The following STT3B variants were observed in gnomAD, a reference collection of about 807,000 sequenced individuals.
The protein encoded by STT3B is dolichyl-diphosphooligosaccharide--protein glycosyltransferase subunit STT3B.
In STT3B, 29 loss-of-function variants were observed where a neutral mutation model predicts 96.8. The ratio of observed to expected loss-of-function variants is 0.30; its 90% CI spans 0.22 to 0.41. The LOEUF is 0.41. STT3B is among the 10% of genes least tolerant of loss of function. The pLI is 1.00. For synonymous variants in STT3B, 367 were observed against 360.0 expected, an observed-to-expected ratio of 1.02 and a Z score of -0.22; for missense variants, 640 against 1,022.3, an observed-to-expected ratio of 0.63 and a Z score of 5.10.
chr3:31,606,708 A>G (rs893968759), intron 5 of STT3B, among the ~76,000 whole-genome samples: 2 of 152,218 alleles, frequency 1.3e-5, no homozygotes, highest in Non-Finnish European at 2.9e-5. Context: ...TGGAAGGGAA[A>G]TGTGGGCTTG....
chr3:31,586,707 T>G lies in STT3B; in HGVS notation c.711+6611T>G, dbSNP rs557296165. ...AATTGAATATATACATATGGGTCTG[T>G]TTTGGGACTCTTCTGTTTATCTGTG... On this transcript the variant is annotated intron_variant, in intron 3 of 15. Coordinates refer to ENST00000295770, the MANE Select transcript of STT3B (RefSeq NM_178862.3). Among the ~76,000 whole-genome samples the G allele has an allele frequency of 2.6e-5, 4 of 152,214 alleles. No individual in the cohort carries two copies. The East Asian group carries it at 7.7e-4, about 29-fold the overall frequency.
intron 12 of STT3B, 120 bp from the exon 13 acceptor site, chr3:31,625,833 CA>C: frequency 4.4e-6 from 4 of 908,774 alleles, no homozygotes; most frequent in African/African-American, 1.7e-5. Context: ...ATCATTTCTG[CA>C]AAAAAATTCC....
chr3:31,626,197 T>C, intron 13 of STT3B, 70 bp downstream of exon 13: 1 of 1,360,240 alleles, frequency 7.4e-7, no homozygotes, highest in Non-Finnish European at 1.0e-6. Context: ...CTCATCTTGC[T>C]AATTGCATTG....
chr3:31,587,675 AT>A (rs1318417786), intron 3 of STT3B, among the ~76,000 whole-genome samples: 2 of 152,122 alleles, frequency 1.3e-5, no homozygotes, highest in Admixed American at 1.3e-4. Flanking sequence ...TTGATTAAAC[AT>A]TTGGGTTCTA....
intron 4 of STT3B, among the ~76,000 whole-genome samples, chr3:31,597,348 C>T (rs1318589127): frequency 6.6e-5 from 10 of 150,406 alleles, no homozygotes; most frequent in African/African-American, 2.2e-4. Context: ...TTAGTAGAGA[C>T]GGGGTTTCAC....
At chr3:31,573,376 A>G (rs1201275646) in intron 1 of STT3B, among the ~76,000 whole-genome samples, 1 of 152,178 alleles carries the variant, frequency 6.6e-6, no homozygotes, top group African/African-American at 2.4e-5. Flanking sequence ...GGCAGAATGG[A>G]TGTAAAGAGA....
At chr3:31,615,326 C>G in intron 6 of STT3B, 123 bp downstream of exon 6, 1 of 667,318 alleles carries the variant, frequency 1.5e-6, no homozygotes, top group South Asian at 2.0e-5. Context: ...TAATCTGACT[C>G]ACAATTATGG....
intron 1 of STT3B, among the ~76,000 whole-genome samples, chr3:31,548,714 G>A (rs112963464): frequency 6.6e-5 from 10 of 152,040 alleles, no homozygotes; most frequent in African/African-American, 2.4e-4. Flanking sequence ...TTTTCTGTTC[G>A]GAAAGGGGGT....
At chr3:31,611,475 GT>G (rs1410670163) in intron 5 of STT3B, among the ~76,000 whole-genome samples, 1 of 152,106 alleles carries the variant, frequency 6.6e-6, no homozygotes, top group Non-Finnish European at 1.5e-5. Context: ...AAAAGCGTAT[GT>G]TTTCATTTTG....
At chr3:31,604,212 C>T (rs1698997521) in intron 5 of STT3B, among the ~76,000 whole-genome samples, 1 of 151,904 alleles carries the variant, frequency 6.6e-6, no homozygotes, top group Non-Finnish European at 1.5e-5. Flanking sequence ...TGCTGGGAAC[C>T]GTCATTAAAG....
Position 31,626,048 on chromosome 3 carries a change from T to C in STT3B, c.1994T>C (p.Ile665Thr). The change falls in exon 13 of 16, where the codon ATT (isoleucine) becomes ACT (threonine). Residue 665 changes from isoleucine to threonine, a missense_variant. Around this residue, in one of 8 missense-constraint regions of STT3B, gnomAD observed 149 missense variants for 250.2 expected, o/e 0.60. Transcript: ENST00000295770. ...GTTTTGGTTATTTTTGGAGGGGTTA[T>C]TGGCTATTCTGGTGATGATATCAAC... ...DYVLVIFGGVIGYSGDDINKF... is the reference protein window; with the variant it reads ...DYVLVIFGGVTGYSGDDINKF... The C allele has an allele frequency of 1.9e-6, 3 of 1,613,882 alleles. No individual in the cohort carries two copies. Among genetic ancestry groups the C allele is most frequent in the Non-Finnish European group, 2.5e-6 (3 of 1,179,844 alleles).
intron 5 of STT3B, among the ~76,000 whole-genome samples, chr3:31,609,842 C>T (rs1185478061): frequency 6.6e-6 from 1 of 152,100 alleles, no homozygotes; most frequent in Non-Finnish European, 1.5e-5. Context: ...GGATTACAGG[C>T]GTGAACCACC....
At chr3:31,623,226 G>T (rs4955107) in intron 10 of STT3B, among the ~76,000 whole-genome samples, 1 of 151,872 alleles carries the variant, frequency 6.6e-6, no homozygotes, top group East Asian at 1.9e-4. Flanking sequence ...TTTCGAAATC[G>T]GAAGACTGAT....
chr3:31,537,328 T>TGAA (rs1156692843), intron 1 of STT3B, among the ~76,000 whole-genome samples: 1 of 152,230 alleles, frequency 6.6e-6, no homozygotes, highest in Non-Finnish European at 1.5e-5. Flanking sequence ...ACCTCAGTTC[T>TGAA]GAAGAAGACA....
At chr3:31,546,097 T>G (rs1697405880) in intron 1 of STT3B, among the ~76,000 whole-genome samples, 2 of 152,286 alleles carry the variant, frequency 1.3e-5, no homozygotes, top group Middle Eastern at 3.4e-3. Context: ...ATTAAAACTG[T>G]TTTCTGATGC....
At chr3:31,556,056 C>CGAG (rs1430034269) in intron 1 of STT3B, among the ~76,000 whole-genome samples, 1 of 152,072 alleles carries the variant, frequency 6.6e-6, no homozygotes, top group African/African-American at 2.4e-5. Flanking sequence ...TGCTTCTCTC[C>CGAG]TATCCACCAT....
rs1268634826 is a variant in STT3B at position 31,533,096 on chromosome 3, A to G, written c.98A>G (p.His33Arg). 6.6e-7 allele frequency: 1 copy of G among 1,506,246 alleles called. No homozygotes were observed. The highest frequency in any genetic ancestry group is 1.4e-5 in the African/African-American group (1 of 69,014). The allele number at this position is 1,506,246 out of a possible 1,614,324, so 93.3% of individuals were successfully genotyped here. ...GCCCTGGGAAACAGCCGGCACGGCC[A>G]CCACGGGCCCGGGGCCCAGTGCGCG... ...LMALGNSRHG[H>R]HGPGAQCAHK... The change falls in exon 1 of 16, where the codon CAC becomes CGC. Residue 33 changes from histidine (H) to arginine (R), a missense_variant. By Grantham distance (29) the His-to-Arg change is conservative. Transcript: ENST00000295770.
At chr3:31,632,050 C>T (rs1459547972) in intron 14 of STT3B, among the ~76,000 whole-genome samples, 1 of 151,778 alleles carries the variant, frequency 6.6e-6, no homozygotes, top group Non-Finnish European at 1.5e-5. Flanking sequence ...GAGACAAGAT[C>T]TTGCTATGTT....
chr3:31,600,226 G>GT (rs1698899685), intron 4 of STT3B, 134 bp from the exon 5 acceptor site: 3 of 422,010 alleles, frequency 7.1e-6, no homozygotes, highest in African/African-American at 6.1e-5. Flanking sequence ...AGGTTAGTAA[G>GT]TTCTTATTTA....
Sources: allele counts gnomAD v4.1 joint callset (sites outside exome capture counted in the v4.1 genomes callset), GRCh38; gene constraint gnomAD v4.1.1; regional missense constraint gnomAD v4.1.1; transcripts MANE v1.5; gene names NCBI Gene and HGNC (gene_info 2026-07-23, HGNC 2026-07-21).